The following HFM1 variants were observed in gnomAD, a reference collection of about 807,000 sequenced individuals.
HFM1 encodes probable ATP-dependent DNA helicase HFM1.
Under a neutral mutation model 192.1 loss-of-function variants are expected in HFM1, and 169 were observed. The ratio of observed to expected loss-of-function variants is 0.88; its 90% CI spans 0.78 to 1.00. HFM1 has a LOEUF of 1.00. Ranked by LOEUF, HFM1 falls within the 50% of genes least tolerant of loss-of-function variation. The pLI, the probability that HFM1 is intolerant of heterozygous loss-of-function variation, is 0.00. For synonymous variants in HFM1, 525 were observed against 537.8 expected (o/e 0.98, Z 0.33); for missense variants, 1,661 against 1,668.0 (o/e 1.00, Z 0.07).
At chr1:91,304,553 G>A (rs1376528470) in intron 30 of HFM1, among the ~76,000 whole-genome samples, 3 of 151,866 alleles carry the variant, frequency 2.0e-5, no homozygotes, top group Non-Finnish European at 2.9e-5. Context: ...TGCAACCTCC[G>A]CCTCCTGGGT....
intron 13 of HFM1, among the ~76,000 whole-genome samples, chr1:91,364,247 T>C (rs1309840064): frequency 6.6e-6 from 1 of 151,914 alleles, no homozygotes; most frequent in African/African-American, 2.4e-5. Context: ...TGAACATCAC[T>C]AATTATCAGG....
intron 20 of HFM1, among the ~76,000 whole-genome samples, chr1:91,340,786 G>A (rs972959471): frequency 2.0e-5 from 3 of 151,874 alleles, no homozygotes; most frequent in African/African-American, 7.3e-5. Context: ...AAAAAGCAGG[G>A]GTTGCTATTC....
intron 13 of HFM1, among the ~76,000 whole-genome samples, chr1:91,368,321 G>GA (rs1659672443): frequency 6.6e-6 from 1 of 152,084 alleles, no homozygotes; most frequent in African/African-American, 2.4e-5. Context: ...TGAAATGAAG[G>GA]AAAAAATGTT....
intron 20 of HFM1, among the ~76,000 whole-genome samples, chr1:91,339,240 T>C (rs1655014822): frequency 6.6e-6 from 1 of 151,616 alleles, no homozygotes; most frequent in Non-Finnish European, 1.5e-5. Context: ...TACCAGAGTG[T>C]TTTCTTACTT....
At chr1:91,396,597 C>T (rs1218022529) in intron 2 of HFM1, among the ~76,000 whole-genome samples, 192 bp from the exon 3 acceptor site, 1 of 152,090 alleles carries the variant, frequency 6.6e-6, no homozygotes, top group African/African-American at 2.4e-5. Flanking sequence ...TTAATGATAC[C>T]GCTGTGTGAG....
At chr1:91,326,675 G>A (rs756985967) in intron 20 of HFM1, among the ~76,000 whole-genome samples, 1 of 152,164 alleles carries the variant, frequency 6.6e-6, no homozygotes, top group Non-Finnish European at 1.5e-5. Context: ...TCATTTGAAA[G>A]TACAAAACTC....
At chr1:91,271,418 T>A (rs1244051421) in intron 34 of HFM1, among the ~76,000 whole-genome samples, 1 of 152,180 alleles carries the variant, frequency 6.6e-6, no homozygotes, top group Non-Finnish European at 1.5e-5. Flanking sequence ...AATTGGTTCC[T>A]TTTCTTGTGC....
At chr1:91,325,715 A>G (rs1184880438) in intron 20 of HFM1, among the ~76,000 whole-genome samples, 1 of 152,182 alleles carries the variant, frequency 6.6e-6, no homozygotes, top group African/African-American at 2.4e-5. Context: ...CTCAGACACC[A>G]AAGAACACCT....
Position 91,342,126 on chromosome 1 carries a change from A to C in HFM1, c.2335+1304T>G, listed in dbSNP as rs1358566547. 2.7e-5 allele frequency among the ~76,000 whole-genome samples: 3 copies of C among 111,314 alleles called. No individual in the cohort carries two copies. In the South Asian group the frequency reaches 1.0e-3, roughly 38 times the overall value. The allele number at this position is 111,314 out of a possible 152,430, so 73.0% of individuals were successfully genotyped here. On this transcript the variant is annotated intron_variant, in intron 20 of 38. Coordinates refer to ENST00000370425, the MANE Select transcript of HFM1 (RefSeq NM_001017975.6). ...ATTCTGATACCAAAACTTGGCAGAG[A>C]CACAATGAAAAAAAAAAAAAAAAAA...
At chr1:91,263,233 A>T (rs1330429186) in intron 36 of HFM1, among the ~76,000 whole-genome samples, 1 of 151,398 alleles carries the variant, frequency 6.6e-6, no homozygotes, top group Non-Finnish European at 1.5e-5. Flanking sequence ...TGGAGCCATA[A>T]GCCCATTTTT....
At chr1:91,353,015 A>C in intron 15 of HFM1, 36 bp downstream of exon 15, 1 of 1,316,702 alleles carries the variant, frequency 7.6e-7, no homozygotes, top group Non-Finnish European at 1.1e-6. Flanking sequence ...TTTCCAAAAT[A>C]TTTTATAGTA....
rs1280444843 is a variant in HFM1 at position 91,273,896 on chromosome 1, C to T, written c.3669-81G>A. 6.4e-5 allele frequency: 49 copies of T among 769,610 alleles called. No individual in the cohort carries two copies. In the South Asian group the frequency reaches 8.2e-4, roughly 13 times the overall value. 47.7% of individuals were successfully genotyped at this position (769,610 alleles called of 1,614,324 possible). On this transcript the variant is annotated intron_variant, in intron 33 of 38. Coordinates refer to ENST00000370425, the MANE Select transcript of HFM1 (RefSeq NM_001017975.6). Reference sequence around the variant, plus strand: ...CCTGAAAACTATTTATTCATATAAACAAAAATAATGATTTATCCATTTAAC... The same window carrying T: ...CCTGAAAACTATTTATTCATATAAATAAAAATAATGATTTATCCATTTAAC...
intron 25 of HFM1, among the ~76,000 whole-genome samples, chr1:91,317,238 A>C (rs1651383299): frequency 6.6e-6 from 1 of 152,122 alleles, no homozygotes; most frequent in South Asian, 2.1e-4. Flanking sequence ...AACATGGAGA[A>C]ACCCCGTCTC....
chr1:91,381,132 C>A, intron 6 of HFM1, 150 bp from the exon 7 acceptor site: 1 of 561,954 alleles, frequency 1.8e-6, no homozygotes, highest in East Asian at 3.1e-5. Flanking sequence ...AAAGAATTAT[C>A]ATAAATTATT....
intron 16 of HFM1, 36 bp from the exon 17 acceptor site, chr1:91,351,679 A>G: frequency 8.8e-7 from 1 of 1,142,452 alleles, no homozygotes; most frequent in Non-Finnish European, 1.3e-6. Flanking sequence ...AGTGAAGAAG[A>G]GCACATCTTG....
At chr1:91,282,809 G>T (rs1219468969) in intron 30 of HFM1, among the ~76,000 whole-genome samples, 1 of 152,184 alleles carries the variant, frequency 6.6e-6, no homozygotes, top group Non-Finnish European at 1.5e-5. Flanking sequence ...GTTTTAAAAT[G>T]AAGAATAAAG....
intron 25 of HFM1, among the ~76,000 whole-genome samples, chr1:91,318,015 A>G (rs1012058237): frequency 2.6e-5 from 4 of 152,320 alleles, no homozygotes; most frequent in Non-Finnish European, 5.9e-5. Context: ...AAAGCCAGAA[A>G]GATTGGCTTT....
At chr1:91,367,751 G>A (rs544652032) in intron 13 of HFM1, among the ~76,000 whole-genome samples, 12 of 152,192 alleles carry the variant, frequency 7.9e-5, no homozygotes, top group Admixed American at 4.6e-4. Context: ...ACAGCTGGAC[G>A]GAGAATGACT....
At chr1:91,302,782 T>TGGGGG (rs1403175439) in intron 30 of HFM1, among the ~76,000 whole-genome samples, 2 of 4,772 alleles carry the variant, frequency 4.2e-4, no homozygotes, top group African/African-American at 9.9e-4. Context: ...GGGCCTGTTG[T>TGGGGG]GGGGTGGGGG....
Sources: gnomAD v4.1 joint callset for allele counts (sites outside exome capture counted in the v4.1 genomes callset) on GRCh38, gnomAD v4.1.1 for gene constraint, MANE v1.5 for transcripts, NCBI Gene and HGNC (gene_info 2026-07-23, HGNC 2026-07-21) for gene names.